The following EDA variants were observed in gnomAD, a reference collection of about 807,000 sequenced individuals.
EDA encodes the protein ectodysplasin A.
A neutral mutation model predicts 23.6 loss-of-function variants in EDA; 2 were observed. The ratio of observed to expected loss-of-function variants is 0.08; its 90% CI spans 0.03 to 0.27. The LOEUF (loss-of-function observed/expected upper bound fraction) is 0.27. Ranked by LOEUF, EDA falls within the 10% of genes least tolerant of loss-of-function variation. The pLI, the probability that EDA is intolerant of heterozygous loss-of-function variation, is 1.00. For synonymous variants in EDA, 131 were observed against 132.0 expected (o/e 0.99, Z 0.05); for missense variants, 229 against 324.2 (o/e 0.71, Z 2.26).
At chrX:69,823,595 T>A (rs1025143215) in intron 1 of EDA, among the ~76,000 whole-genome samples, 2 of 80,909 alleles carry the variant, frequency 2.5e-5, no homozygotes, top group Admixed American at 2.8e-4. Flanking sequence ...TTCTGGATAT[T>A]AGCCCTTTGT....
At chrX:69,747,050 T>C (rs1339383031) in intron 1 of EDA, among the ~76,000 whole-genome samples, 2 of 111,901 alleles carry the variant, frequency 1.8e-5, no homozygotes, top group Non-Finnish European at 3.8e-5. Flanking sequence ...GAGTTATGAA[T>C]AGATACAATT....
chrX:69,780,957 T>G (rs184850428), intron 1 of EDA, among the ~76,000 whole-genome samples: 5 of 112,056 alleles, frequency 4.5e-5, no homozygotes, highest in African/African-American at 1.6e-4. Context: ...CTCTATAGAT[T>G]TGTCTATGAT....
chrX:69,786,165 C>G (rs1444673282), intron 1 of EDA, among the ~76,000 whole-genome samples: 3 of 110,943 alleles, frequency 2.7e-5, no homozygotes, highest in African/African-American at 9.8e-5. Flanking sequence ...TTTATTGCAT[C>G]TATTTTATTG....
chrX:69,993,762 G>T (rs1602592268), intron 2 of EDA, among the ~76,000 whole-genome samples: 1 of 111,979 alleles, frequency 8.9e-6, no homozygotes, highest in African/African-American at 3.2e-5. Context: ...CCTGACTAGT[G>T]CAAAACATCA....
At chrX:69,828,302 G>A (rs759288107) in intron 1 of EDA, among the ~76,000 whole-genome samples, 5 of 112,086 alleles carry the variant, frequency 4.5e-5, no homozygotes, top group East Asian at 2.8e-4. Context: ...TCCCAGCCTC[G>A]CTGCCGCCTT....
intron 2 of EDA, among the ~76,000 whole-genome samples, chrX:70,012,238 T>C (rs1314502433): frequency 8.9e-6 from 1 of 112,297 alleles, no homozygotes; most frequent in Non-Finnish European, 1.9e-5. Context: ...AGATATGTAA[T>C]AGTGATAGTG....
Position 69,747,982 on chromosome X carries a change from T to C in EDA, c.396+131278T>C, listed in dbSNP as rs1313464681. On this transcript the variant is annotated intron_variant, in intron 1 of 7. Transcript: ENST00000374552. ...GAGAAAATGAGAGAAATGTTGCAAATAGGCCTTTTAAGGAAGCTGACTTAC... is the reference window on the plus strand; with the variant it reads ...GAGAAAATGAGAGAAATGTTGCAAACAGGCCTTTTAAGGAAGCTGACTTAC... 4.5e-5 allele frequency among the ~76,000 whole-genome samples: 5 copies of C among 110,758 alleles called. 1 individual carries two copies. The Admixed American group carries it at 4.8e-4, about 11-fold the overall frequency.
chrX:69,938,250 T>G (rs2018705762), intron 1 of EDA, among the ~76,000 whole-genome samples: 1 of 110,916 alleles, frequency 9.0e-6, no homozygotes, highest in African/African-American at 3.3e-5. Flanking sequence ...CGCTGTCACT[T>G]TTCGCACCGC....
intron 1 of EDA, among the ~76,000 whole-genome samples, chrX:69,732,698 C>T (rs1287180756): frequency 5.4e-5 from 6 of 111,731 alleles, no homozygotes; most frequent in Admixed American, 9.5e-5. Context: ...ATGGTTGAAC[C>T]AGTTTACAGT....
At chrX:69,649,204 G>A (rs1933022492) in intron 1 of EDA, among the ~76,000 whole-genome samples, 1 of 111,920 alleles carries the variant, frequency 8.9e-6, no homozygotes, top group South Asian at 3.7e-4. Flanking sequence ...GACCATCTTG[G>A]CCCCTCCCAT....
intron 1 of EDA, among the ~76,000 whole-genome samples, chrX:69,712,963 C>G (rs1569305137): frequency 1.9e-5 from 2 of 105,959 alleles, no homozygotes; most frequent in African/African-American, 6.9e-5. Flanking sequence ...ATTGCAGGGA[C>G]AAAAAAACCA....
intron 1 of EDA, chrX:69,620,637 T>C (rs1932146507): frequency 6.6e-6 from 1 of 152,555 alleles, no homozygotes; most frequent in Non-Finnish European, 1.2e-5. Context: ...ATTTTCTCTC[T>C]CACTAACTCT....
chrX:69,899,951 T>C (rs1473559622), intron 1 of EDA, among the ~76,000 whole-genome samples: 3 of 111,339 alleles, frequency 2.7e-5, no homozygotes. Context: ...CAGAGATCTT[T>C]TACTTCCTAG....
chrX:70,033,335 T>C, intron 6 of EDA, 63 bp from the exon 7 acceptor site: 1 of 1,204,567 alleles, frequency 8.3e-7, no homozygotes, highest in Non-Finnish European at 1.1e-6. Context: ...TCCTTGGTAT[T>C]TATTTTCTGT....
At chrX:69,918,149 C>CTTT (rs71981189) in intron 1 of EDA, among the ~76,000 whole-genome samples, 14 of 73,449 alleles carry the variant, frequency 1.9e-4, no homozygotes, top group African/African-American at 5.2e-4. Context: ...CCATCCCCTG[C>CTTT]TTTTTTTTTT....
At chrX:69,956,822 A>T (rs2019014859) in intron 1 of EDA, among the ~76,000 whole-genome samples, 1 of 112,130 alleles carries the variant, frequency 8.9e-6, no homozygotes, top group African/African-American at 3.2e-5. Flanking sequence ...GGATTCAGAA[A>T]TTAACCAAAA....
chrX:69,995,487 T>C (rs145223690), intron 2 of EDA, among the ~76,000 whole-genome samples: 40 of 111,813 alleles, frequency 3.6e-4, no homozygotes, highest in African/African-American at 1.3e-3. Context: ...AGAATCTCAA[T>C]TGGCTGTTTT....
At chrX:69,860,660 T>G (rs746256234) in intron 1 of EDA, among the ~76,000 whole-genome samples, 22 of 111,092 alleles carry the variant, frequency 2.0e-4, no homozygotes, top group Non-Finnish European at 3.0e-4. Flanking sequence ...CATTTAACAT[T>G]TTTTCTTTCA....
At chrX:69,786,259 T>G (rs1333059934) in intron 1 of EDA, among the ~76,000 whole-genome samples, 2 of 111,368 alleles carry the variant, frequency 1.8e-5, no homozygotes, top group African/African-American at 6.5e-5. Context: ...ATTCATTAAG[T>G]TTTTGAAGGG....
Sources: allele counts gnomAD v4.1 joint callset (sites outside exome capture counted in the v4.1 genomes callset), GRCh38; gene constraint gnomAD v4.1.1; transcripts MANE v1.5; gene names NCBI Gene and HGNC (gene_info 2026-07-23, HGNC 2026-07-21).